NCS1: variants seen among roughly 807,000 people sequenced by gnomAD.
NCS1 encodes the protein neuronal calcium sensor 1.
Under a neutral mutation model 28.4 loss-of-function variants are expected in NCS1, and 6 were observed. That is an observed-to-expected ratio of 0.21 (90% CI 0.12 to 0.42). NCS1 has a LOEUF of 0.42. NCS1 is among the 10% of genes least tolerant of loss of function. The probability of loss-of-function intolerance (pLI) is 1.00; values close to 1 mark genes in which losing one functional copy is unlikely to be tolerated. For synonymous variants in NCS1, 86 were observed against 99.3 expected, an observed-to-expected ratio of 0.87 and a Z score of 0.79; for missense variants, 131 against 241.4, an observed-to-expected ratio of 0.54 and a Z score of 3.03.
rs1418790177 is a variant in NCS1, at chr9:130,226,886, G to A, written c.*17+382G>A. 2.6e-5 allele frequency among the ~76,000 whole-genome samples: 4 copies of A among 151,890 alleles called. No individual in the cohort carries two copies. Among genetic ancestry groups the A allele is most frequent in the Non-Finnish European group, 5.9e-5 (4 of 67,952 alleles). On this transcript the variant is annotated intron_variant, in intron 7 of 7. Coordinates refer to ENST00000372398, the MANE Select transcript of NCS1 (RefSeq NM_014286.4). This position sits in a 1 kb window ranked among gnomAD's most constrained non-coding sequence, Gnocchi z 4.8. ...CTAAAAATACAAAAATCAGGCGGGC[G>A]TGGTGGTGCGCACCTAGTCTCAGCT...
At position 130,219,639 on chromosome 9, in the gene NCS1, G is replaced by T; in HGVS notation, c.229-86G>T. 1 of 1,264,158 alleles carries T rather than the reference G, an allele frequency of 7.9e-7. No individual in the cohort carries two copies. The allele number at this position is 1,264,158 out of a possible 1,614,324, so 78.3% of individuals were successfully genotyped here. ...ATTGGCCACAGTGTCTGGAGCCTGC[G>T]ACTGCCCCTCGCCCGTCCCGAGGTT... On this transcript the variant is annotated intron_variant, in intron 3 of 7. Transcript: ENST00000372398. The surrounding 1 kb of genome is among the most constrained non-coding windows in gnomAD (Gnocchi z 5.7).
Position 130,226,247 on chromosome 9 carries a change from T to C in NCS1, c.475-142T>C. 1 of 710,756 alleles carries C rather than the reference T, an allele frequency of 1.4e-6. No individual in the cohort carries two copies. The highest frequency in any genetic ancestry group is 2.5e-6 in the Non-Finnish European group (1 of 397,260). 44.0% of individuals were successfully genotyped at this position (710,756 alleles called of 1,614,324 possible). On this transcript the variant is annotated intron_variant, in intron 6 of 7. Coordinates refer to ENST00000372398, the MANE Select transcript of NCS1 (RefSeq NM_014286.4). The surrounding 1 kb of genome is among the most constrained non-coding windows in gnomAD (Gnocchi z 4.8). Reference sequence around the variant, plus strand: ...ATGAGTGCCGAGGTCTGTCTGGTGCTGGCTGCTTGTAGGCCCTGAGCCACG... The same window carrying C: ...ATGAGTGCCGAGGTCTGTCTGGTGCCGGCTGCTTGTAGGCCCTGAGCCACG...
At chr9:130,201,703 C>A (rs1664700920) in intron 2 of NCS1, among the ~76,000 whole-genome samples, 1 of 152,078 alleles carries the variant, frequency 6.6e-6, no homozygotes, top group African/African-American at 2.4e-5. Flanking sequence ...CCGGGCACCC[C>A]CCAGGAGCCT....
At chr9:130,202,339 T>C (rs999377852) in intron 2 of NCS1, among the ~76,000 whole-genome samples, 2 of 149,438 alleles carry the variant, frequency 1.3e-5, no homozygotes, top group Non-Finnish European at 3.0e-5. Context: ...TGTTACCTCC[T>C]CGCCCCTCCC....
intron 1 of NCS1, 129 bp downstream of exon 1, chr9:130,172,856 C>T (rs1377051629): frequency 2.3e-6 from 1 of 438,806 alleles, no homozygotes; most frequent in Non-Finnish European, 3.6e-6. Flanking sequence ...CCCGCCCGGC[C>T]TCCAATGTGG....
At position 130,223,256 on chromosome 9, in the gene NCS1, A is replaced by C. The variant is rs1588125379; in HGVS notation, c.474+97A>C. Reference sequence around the variant, plus strand: ...GATCCTGGGCCTGGCTTTGCTGCCAACCTCCTCCATGGCTCACGGCAGGCG... The same window carrying C: ...GATCCTGGGCCTGGCTTTGCTGCCACCCTCCTCCATGGCTCACGGCAGGCG... On this transcript the variant is annotated intron_variant, in intron 6 of 7. Coordinates refer to ENST00000372398, the MANE Select transcript of NCS1 (RefSeq NM_014286.4). 4 of 1,152,844 alleles carry C rather than the reference A, an allele frequency of 3.5e-6. No individual in the cohort carries two copies. In the South Asian group the frequency reaches 5.4e-5, roughly 16 times the overall value. 71.4% of individuals were successfully genotyped at this position (1,152,844 alleles called of 1,614,324 possible).
Position 130,192,239 on chromosome 9 carries a change from C to G in NCS1, c.65-8719C>G, listed in dbSNP as rs965682240. Among the ~76,000 whole-genome samples the G allele has an allele frequency of 2.0e-5, 3 of 152,184 alleles. No individual in the cohort carries two copies. The highest frequency in any genetic ancestry group is 7.2e-5 in the African/African-American group (3 of 41,450). On this transcript the variant is annotated intron_variant, in intron 1 of 7. Transcript: ENST00000372398. This position sits in a 1 kb window ranked among gnomAD's most constrained non-coding sequence, Gnocchi z 4.8. ...GATGATCATGCTGACTGCCTCGTGC[C>G]AGGCAGCTCCTGCGTCTGCTGTCAC...
intron 1 of NCS1, among the ~76,000 whole-genome samples, chr9:130,189,876 AAAAATATATAT>A (rs1363683495): frequency 3.8e-4 from 26 of 69,304 alleles, no homozygotes; most frequent in Non-Finnish European, 5.5e-4. Context: ...AAAAAAAAAA[AAAAATATATAT>A]ATATATATAT....
At position 130,226,881 on chromosome 9, in the gene NCS1, C is replaced by T. The variant is rs184101615; in HGVS notation, c.*17+377C>T. Among the ~76,000 whole-genome samples the T allele has an allele frequency of 2.8e-3, 428 of 151,816 alleles. 1 individual carries two copies. The highest frequency in any genetic ancestry group is 9.3e-3 in the African/African-American group (385 of 41,424). ...CTCTACTAAAAATACAAAAATCAGG[C>T]GGGCGTGGTGGTGCGCACCTAGTCT... On this transcript the variant is annotated intron_variant, in intron 7 of 7. Transcript: ENST00000372398. This position sits in a 1 kb window ranked among gnomAD's most constrained non-coding sequence, Gnocchi z 4.8.
intron 2 of NCS1, 28 bp from the exon 3 acceptor site, chr9:130,217,804 C>G (rs781793104): frequency 1.9e-6 from 3 of 1,613,976 alleles, no homozygotes; most frequent in Non-Finnish European, 8.5e-7. Context: ...TCTCCTTTAC[C>G]CTCTCTGGCC....
intron 1 of NCS1, among the ~76,000 whole-genome samples, chr9:130,176,137 A>ATTTTCT (rs1832560786): frequency 1.2e-5 from 1 of 82,832 alleles, no homozygotes; most frequent in African/African-American, 4.5e-5. Context: ...TTATTTGTTC[A>ATTTTCT]TTTTCTTTCT....
At chr9:130,178,448 T>G (rs947877476) in intron 1 of NCS1, among the ~76,000 whole-genome samples, 2 of 152,196 alleles carry the variant, frequency 1.3e-5, no homozygotes, top group Admixed American at 1.3e-4. Context: ...GGAAAGCCCT[T>G]TTCCCCGGCA....
intron 1 of NCS1, among the ~76,000 whole-genome samples, chr9:130,179,699 C>T (rs1282185926): frequency 6.6e-6 from 1 of 152,180 alleles, no homozygotes; most frequent in Non-Finnish European, 1.5e-5. Flanking sequence ...GTTTTCCTTA[C>T]TTCTTGCCAA....
At chr9:130,173,897 T>C (rs1321989724) in intron 1 of NCS1, among the ~76,000 whole-genome samples, 1 of 152,156 alleles carries the variant, frequency 6.6e-6, no homozygotes, top group Non-Finnish European at 1.5e-5. Flanking sequence ...ACGCTTCAGC[T>C]CCATGCCCCT....
rs1243127150 is a variant in NCS1, at chr9:130,192,122, G to T, written c.65-8836G>T. 1.3e-5 allele frequency among the ~76,000 whole-genome samples: 2 copies of T among 152,174 alleles called. No homozygotes were observed. Among genetic ancestry groups the T allele is most frequent in the African/African-American group, 4.8e-5 (2 of 41,444 alleles). On this transcript the variant is annotated intron_variant, in intron 1 of 7. Transcript: ENST00000372398. The surrounding 1 kb of genome is among the most constrained non-coding windows in gnomAD (Gnocchi z 4.8). ...TGGGGCCCAGCTGCCCTTTAGCCAG[G>T]CAGTGGTGGCAGACAGGTATGGGAT...
At chr9:130,217,682 C>T in intron 2 of NCS1, 150 bp from the exon 3 acceptor site, 1 of 1,127,028 alleles carries the variant, frequency 8.9e-7, no homozygotes, top group Non-Finnish European at 1.3e-6. Flanking sequence ...TGGGACTGCG[C>T]CTGTGCCTAT....
chr9:130,185,876 C>G (rs116721009), intron 1 of NCS1, among the ~76,000 whole-genome samples: 1 of 152,258 alleles, frequency 6.6e-6, no homozygotes, highest in African/African-American at 2.4e-5. Flanking sequence ...CGTGATGAGG[C>G]CTTTGCTGCG....
chr9:130,202,364 A>AC (rs1356616511), intron 2 of NCS1, among the ~76,000 whole-genome samples: 1 of 42,812 alleles, frequency 2.3e-5, no homozygotes, highest in African/African-American at 8.5e-5. Flanking sequence ...ACCCCCTGAA[A>AC]CCCCCCAGGC....
chr9:130,200,609 C>T (rs781818769), intron 1 of NCS1: 31 of 1,551,646 alleles, frequency 2.0e-5, no homozygotes, highest in African/African-American at 1.1e-4. Context: ...GAGATGGCAA[C>T]GAGTAAGTCT....
Sources: allele counts gnomAD v4.1 joint callset (sites outside exome capture counted in the v4.1 genomes callset), GRCh38; gene constraint gnomAD v4.1.1; non-coding constraint Gnocchi (gnomAD v3.1); transcripts MANE v1.5; gene names NCBI Gene and HGNC (gene_info 2026-07-23, HGNC 2026-07-21).